PLEKHG7: variants seen among roughly 807,000 people sequenced by gnomAD.
PLEKHG7 encodes pleckstrin homology and RhoGEF domain containing G7.
In PLEKHG7, 77 loss-of-function variants were observed where a neutral mutation model predicts 85.2. That is an observed-to-expected ratio of 0.90 (90% CI 0.75 to 1.09). PLEKHG7 has a LOEUF of 1.09. Ranked by LOEUF, PLEKHG7 falls within the 50% of genes least tolerant of loss-of-function variation. PLEKHG7 has a pLI of 0.00. For missense variants in PLEKHG7, 777 were observed against 804.3 expected (o/e 0.97, Z 0.41); for synonymous variants, 301 against 302.4 (o/e 1.00, Z 0.05).
At chr12:92,761,282 G>T (rs1330711529) in intron 13 of PLEKHG7, among the ~76,000 whole-genome samples, 1 of 152,108 alleles carries the variant, frequency 6.6e-6, no homozygotes, top group Non-Finnish European at 1.5e-5. Context: ...AATGCTGCAA[G>T]TTCAATCAGT....
intron 15 of PLEKHG7, among the ~76,000 whole-genome samples, chr12:92,767,810 A>G (rs1385239933): frequency 6.6e-6 from 1 of 152,194 alleles, no homozygotes; most frequent in Non-Finnish European, 1.5e-5. Context: ...ATCAGCAAGA[A>G]TATGTCACTT....
intron 15 of PLEKHG7, among the ~76,000 whole-genome samples, chr12:92,768,460 G>A (rs574824695): frequency 7.2e-5 from 11 of 152,092 alleles, no homozygotes; most frequent in Middle Eastern, 3.2e-3. Context: ...GCTGGATTTT[G>A]AGTGGTTTTT....
intron 5 of PLEKHG7, 134 bp downstream of exon 5, chr12:92,732,407 T>A (rs1872018076): frequency 8.0e-6 from 4 of 502,410 alleles, no homozygotes. Context: ...ATAAATGATA[T>A]CATCACATCC....
chr12:92,727,225 C>T (rs1023746820), intron 3 of PLEKHG7, among the ~76,000 whole-genome samples: 6 of 152,176 alleles, frequency 3.9e-5, no homozygotes, highest in African/African-American at 1.4e-4. Context: ...AACCATGAAC[C>T]TGCCTAATTC....
chr12:92,719,293 C>T (rs1048138734), intron 3 of PLEKHG7, among the ~76,000 whole-genome samples: 1 of 152,108 alleles, frequency 6.6e-6, no homozygotes, highest in Non-Finnish European at 1.5e-5. Flanking sequence ...TTAATTTGTT[C>T]TTCCTGTGTA....
At chr12:92,734,285 TTTCCTCCTTCCTTTCTTCCC>T (rs1453640558) in intron 5 of PLEKHG7, among the ~76,000 whole-genome samples, 2 of 152,282 alleles carry the variant, frequency 1.3e-5, no homozygotes, top group Middle Eastern at 3.4e-3. Context: ...TTTTCCTTCC[TTTCCTCCTTCCTTTCTTCCC>T]TTCCTCCTTC....
chr12:92,712,023 A>G (rs1871376279), intron 3 of PLEKHG7, among the ~76,000 whole-genome samples: 1 of 152,184 alleles, frequency 6.6e-6, no homozygotes, highest in South Asian at 2.1e-4. Context: ...GAATATCTTG[A>G]AAGGTCCCAC....
At chr12:92,741,036 A>G (rs1203440542) in intron 8 of PLEKHG7, 88 bp downstream of exon 8, 2 of 884,856 alleles carry the variant, frequency 2.3e-6, no homozygotes, top group East Asian at 2.5e-5. Context: ...CTTGTATGCC[A>G]TAATACATCT....
intron 14 of PLEKHG7, among the ~76,000 whole-genome samples, chr12:92,763,342 A>G (rs1873091434): frequency 6.6e-6 from 1 of 152,224 alleles, no homozygotes; most frequent in African/African-American, 2.4e-5. Flanking sequence ...ATTCAGTATT[A>G]GATCCCAGGC....
Position 92,754,103 on chromosome 12 carries a change from A to G in PLEKHG7, c.1265A>G (p.Asn422Ser). The G allele has an allele frequency of 6.2e-7, 1 of 1,613,798 alleles. No homozygotes were observed. The highest frequency in any genetic ancestry group is 1.7e-5 in the Admixed American group (1 of 60,014). Residue 422 changes from asparagine to serine, a missense_variant, in exon 11 of 17, where the codon AAT becomes AGT. Transcript: ENST00000344636. ...FGIYLKWCEQ[N>S]EQCRRLHVPE... ...TGCCTTCCCCAGTGGTGTGAGCAGA[A>G]TGAACAATGCAGACGGCTCCACGTG...
At chr12:92,742,091 C>T (rs1466779422) in intron 9 of PLEKHG7, among the ~76,000 whole-genome samples, 1 of 152,180 alleles carries the variant, frequency 6.6e-6, no homozygotes, top group African/African-American at 2.4e-5. Flanking sequence ...TCCTCCCCTA[C>T]TTTTCTTACT....
In PLEKHG7 at chr12:92,718,597, C is replaced by T. The variant is rs143491400; in HGVS notation, c.531-10396C>T. Among the ~76,000 whole-genome samples, 446 of 152,192 alleles carry T rather than the reference C, an allele frequency of 2.9e-3. 1 individual carries two copies. Among genetic ancestry groups the T allele is most frequent in the Middle Eastern group, 6.8e-3 (2 of 292 alleles). ...GCCTTTTAGGGAAAAATTGTATGGT[C>T]CCCTTTTGTTTCGTGTATTTTCTCC... On this transcript the variant is annotated intron_variant, in intron 3 of 16. Coordinates refer to ENST00000344636, the MANE Select transcript of PLEKHG7 (RefSeq NM_001377329.1).
intron 15 of PLEKHG7, 121 bp downstream of exon 15, chr12:92,764,315 T>C: frequency 1.9e-6 from 2 of 1,028,094 alleles, no homozygotes; most frequent in East Asian, 5.2e-5. Context: ...ACTGTGTTCC[T>C]ATGTGTCTAC....
chr12:92,721,702 C>CAAAAAAAA (rs71069170), intron 3 of PLEKHG7, among the ~76,000 whole-genome samples: 2 of 43,368 alleles, frequency 4.6e-5, no homozygotes, highest in African/African-American at 7.8e-5. Context: ...AGCATAAAAC[C>CAAAAAAAA]AAAAAAAAAA....
chr12:92,703,266 G>T (rs1592669096), intron 1 of PLEKHG7, 134 bp downstream of exon 1: 1 of 152,228 alleles, frequency 6.6e-6, no homozygotes, highest in Non-Finnish European at 1.5e-5. Flanking sequence ...AACCTGCAAT[G>T]GTTTCATTTC....
chr12:92,710,813 G>A (rs770829261), intron 3 of PLEKHG7, among the ~76,000 whole-genome samples: 11 of 152,150 alleles, frequency 7.2e-5, no homozygotes, highest in South Asian at 4.1e-4. Flanking sequence ...TGGGCCCATC[G>A]GGCAATGACA....
In PLEKHG7 at chr12:92,771,232, T is replaced by C. The variant is rs1354029805; in HGVS notation, c.*1037T>C. 2 of 152,062 alleles carry C rather than the reference T, an allele frequency of 1.3e-5. No homozygotes were observed. The highest frequency in any genetic ancestry group is 4.8e-5 in the African/African-American group (2 of 41,420). 9.4% of individuals were successfully genotyped at this position (152,062 alleles called of 1,614,324 possible). On this transcript the variant is annotated 3_prime_UTR_variant, in exon 17 of 17. Coordinates refer to ENST00000344636, the MANE Select transcript of PLEKHG7 (RefSeq NM_001377329.1). ...ATCGTACCTTTTGCAATTTGCAAAGTGAAAGTAGTAAATTTATCAAATTTG... is the reference window on the plus strand; with the variant it reads ...ATCGTACCTTTTGCAATTTGCAAAGCGAAAGTAGTAAATTTATCAAATTTG...
Position 92,741,148 on chromosome 12 carries a change from G to T in PLEKHG7, c.1035+200G>T, listed in dbSNP as rs191647699. Among the ~76,000 whole-genome samples, 8 of 152,108 alleles carry T rather than the reference G, an allele frequency of 5.3e-5. No homozygotes were observed. In the East Asian group the frequency reaches 1.5e-3, roughly 29 times the overall value. On this transcript the variant is annotated intron_variant, in intron 8 of 16. Transcript: ENST00000344636. ...TGTAGATATTAGTTACCCTTTATTT[G>T]TCATTTTTCCATGGCTATTTTAAAA...
chr12:92,755,059 A>G (rs1433645042), intron 11 of PLEKHG7, among the ~76,000 whole-genome samples: 1 of 152,242 alleles, frequency 6.6e-6, no homozygotes, highest in East Asian at 1.9e-4. Flanking sequence ...AGCAAGTAAG[A>G]CAAAGAATCT....
Sources: gnomAD v4.1 joint callset for allele counts (sites outside exome capture counted in the v4.1 genomes callset) on GRCh38, gnomAD v4.1.1 for gene constraint, MANE v1.5 for transcripts, NCBI Gene and HGNC (gene_info 2026-07-23, HGNC 2026-07-21) for gene names.